Variants in ERN1 observed in about 807,000 individuals in gnomAD.
The protein encoded by ERN1 is serine/threonine-protein kinase/endoribonuclease IRE1.
A neutral mutation model predicts 113.1 loss-of-function variants in ERN1; 39 were observed. The ratio of observed to expected loss-of-function variants is 0.34; its 90% CI spans 0.27 to 0.45. The LOEUF (loss-of-function observed/expected upper bound fraction) is 0.45, where lower values mean the gene tolerates loss of function less well. Among genes scored for constraint, ERN1 ranks in the 20% least tolerant of loss-of-function variants. The pLI is 1.00. For missense variants in ERN1, 976 were observed against 1,274.8 expected, an observed-to-expected ratio of 0.77 and a Z score of 3.57; for synonymous variants, 507 against 515.9, an observed-to-expected ratio of 0.98 and a Z score of 0.23.
Position 64,054,171 on chromosome 17 carries a change from C to A in ERN1, c.1953+79G>T. 1 of 1,292,950 alleles carries A rather than the reference C, an allele frequency of 7.7e-7. No individual in the cohort carries two copies. Among genetic ancestry groups the A allele is most frequent in the African/African-American group, 1.5e-5 (1 of 67,924 alleles). The allele number at this position is 1,292,950 out of a possible 1,614,324, so 80.1% of individuals were successfully genotyped here. A position where few individuals can be genotyped will look rare whatever the true frequency, so the allele number is the denominator to read the frequency against. Reference sequence around the variant, plus strand: ...TCCAGGCTGGTCTCAAACTCCTGAGCTCACGTGATCTGCTCACTTTGGCCT... The same window carrying A: ...TCCAGGCTGGTCTCAAACTCCTGAGATCACGTGATCTGCTCACTTTGGCCT... On this transcript the variant is annotated intron_variant, in intron 15 of 21. Coordinates refer to ENST00000433197, the MANE Select transcript of ERN1 (RefSeq NM_001433.5). The surrounding 1 kb of genome is among the most constrained non-coding windows in gnomAD (Gnocchi z 4.9).
At chr17:64,045,945 T>C (rs1490931356) in intron 19 of ERN1, among the ~76,000 whole-genome samples, 2 of 152,124 alleles carry the variant, frequency 1.3e-5, no homozygotes, top group African/African-American at 4.8e-5. Context: ...AGAAAAGACC[T>C]GTGAAGCTGG....
Position 64,039,157 on chromosome 17 carries a change from T to C in ERN1, c.*4831A>G, listed in dbSNP as rs1912266321. The C allele has an allele frequency of 6.6e-6, 1 of 152,180 alleles. No individual in the cohort carries two copies. The highest frequency in any genetic ancestry group is 1.5e-5 in the Non-Finnish European group (1 of 68,030). The allele number at this position is 152,180 out of a possible 1,614,324, so 9.4% of individuals were successfully genotyped here. ...TGAGACTGACTCCAAAATCTAAAAC[T>C]ACCTTTATTGTGGTTGGCTCGACAT... is the stretch of plus-strand genomic sequence containing the variant. On this transcript the variant is annotated 3_prime_UTR_variant, in exon 22 of 22. Transcript: ENST00000433197.
intron 19 of ERN1, 133 bp from the exon 20 acceptor site, chr17:64,045,615 C>A: frequency 9.7e-7 from 1 of 1,029,764 alleles, no homozygotes; most frequent in Non-Finnish European, 1.5e-6. Context: ...ACCCTGCCCC[C>A]TCCCTCCCTC....
intron 1 of ERN1, among the ~76,000 whole-genome samples, chr17:64,116,715 A>G (rs1228059417): frequency 2.0e-5 from 3 of 152,084 alleles, no homozygotes; most frequent in Admixed American, 6.5e-5. Flanking sequence ...AGCCATCACA[A>G]AAATCAAAGA....
intron 4 of ERN1, among the ~76,000 whole-genome samples, chr17:64,077,870 C>G (rs1366480197): frequency 6.6e-6 from 1 of 152,098 alleles, no homozygotes; most frequent in African/African-American, 2.4e-5. Context: ...CTCAGCCTCC[C>G]AAGTAGCTGG....
At chr17:64,108,815 A>C (rs1914597822) in intron 1 of ERN1, among the ~76,000 whole-genome samples, 1 of 152,220 alleles carries the variant, frequency 6.6e-6, no homozygotes. Context: ...ACTCATATGC[A>C]GTTAAACCTA....
chr17:64,039,376 A>C lies in ERN1; in HGVS notation c.*4612T>G, dbSNP rs1356474717. 6.6e-6 allele frequency: 1 copy of C among 152,222 alleles called. No homozygotes were observed. The allele number at this position is 152,222 out of a possible 1,614,324, so 9.4% of individuals were successfully genotyped here. On this transcript the variant is annotated 3_prime_UTR_variant, in exon 22 of 22. Transcript: ENST00000433197. ...AAGAAGACTGTATCACACAATTAAC[A>C]CGTACTAATTAAACAATTAACCATC...
At chr17:64,087,428 C>T (rs1337520343) in intron 2 of ERN1, among the ~76,000 whole-genome samples, 1 of 152,214 alleles carries the variant, frequency 6.6e-6, no homozygotes, top group Admixed American at 6.5e-5. Flanking sequence ...GGACCTGCTC[C>T]TCAGTTCACA....
chr17:64,126,327 T>C (rs1915079817), intron 1 of ERN1, among the ~76,000 whole-genome samples: 1 of 152,174 alleles, frequency 6.6e-6, no homozygotes, highest in South Asian at 2.1e-4. Flanking sequence ...ACATATTACT[T>C]TGGATCCCGA....
In ERN1 at chr17:64,074,550, C is replaced by T. The variant is rs560533003; in HGVS notation, c.355+625G>A. Among the ~76,000 whole-genome samples the T allele has an allele frequency of 2.1e-4, 32 of 152,286 alleles. No individual in the cohort carries two copies. The South Asian group carries it at 6.6e-3, about 32-fold the overall frequency. ...TAAAGCTCCTCGAGGCATGAATAGG[C>T]AATAAGCACTTTCAGTTCCTCAAAA... On this transcript the variant is annotated intron_variant, in intron 5 of 21. Coordinates refer to ENST00000433197, the MANE Select transcript of ERN1 (RefSeq NM_001433.5).
At chr17:64,073,346 T>TTC in intron 5 of ERN1, among the ~76,000 whole-genome samples, 1 of 146,806 alleles carries the variant, frequency 6.8e-6, no homozygotes, top group South Asian at 2.2e-4. Flanking sequence ...TTTTTTTTTT[T>TTC]TTTTTTTTTT....
rs1912751125 is a variant in ERN1, at chr17:64,053,351, A to G, written c.1974T>C (p.Phe658=). ...TGATGGGCTCCAGGCCGAGATGCGC[A>G]AAGTCCTTCTGCTCCACATACTGCA... The part of the protein sequence containing the change: ...TLQEYVEQKD[F]AHLGLEPITL... The change falls in exon 16 of 22, where the codon TTT becomes TTC. Residue 658 remains phenylalanine, a synonymous_variant. Coordinates refer to ENST00000433197, the MANE Select transcript of ERN1 (RefSeq NM_001433.5). The G allele has an allele frequency of 1.9e-6, 3 of 1,610,906 alleles. No homozygotes were observed. The highest frequency in any genetic ancestry group is 2.2e-5 in the East Asian group (1 of 44,822).
At chr17:64,122,846 T>C (rs1230417698) in intron 1 of ERN1, among the ~76,000 whole-genome samples, 1 of 152,226 alleles carries the variant, frequency 6.6e-6, no homozygotes, top group Admixed American at 6.5e-5. Flanking sequence ...ATGGGTTAGA[T>C]AAGTTGTTAA....
At chr17:64,080,588 C>T in intron 3 of ERN1, 187 bp downstream of exon 3, 1 of 553,178 alleles carries the variant, frequency 1.8e-6, no homozygotes, top group South Asian at 2.4e-5. Flanking sequence ...ACCCTTCTCC[C>T]TCAGGAAACT....
rs1163177858 is a variant in ERN1 at position 64,055,751 on chromosome 17, G to A, written c.1596C>T (p.Ala532=). 6.2e-7 allele frequency: 1 copy of A among 1,611,544 alleles called. No individual in the cohort carries two copies. Among genetic ancestry groups the A allele is most frequent in the South Asian group, 1.1e-5 (1 of 90,606 alleles). The change falls in exon 13 of 22, where the codon GCC becomes GCT. Residue 532 remains alanine (A), a synonymous_variant. Transcript: ENST00000433197. ...TGCCGGAGCAGAGCGAGTGGTTGGA[G>A]GCCCTGGGGGACGTGCTGGGGCTGC... is the stretch of plus-strand genomic sequence containing the variant. ...GTSSPSTSPR[A]SNHSLCSGSS...
chr17:64,120,979 G>A (rs1488925825), intron 1 of ERN1, among the ~76,000 whole-genome samples: 1 of 152,084 alleles, frequency 6.6e-6, no homozygotes, highest in Non-Finnish European at 1.5e-5. Flanking sequence ...AGCATGCCAC[G>A]TTAAATGCCA....
At chr17:64,080,656 ACT>A in intron 3 of ERN1, 117 bp downstream of exon 3, 2 of 886,484 alleles carry the variant, frequency 2.3e-6, no homozygotes, top group Non-Finnish European at 3.5e-6. Context: ...TTTATATGTC[ACT>A]CACTGTTATT....
intron 12 of ERN1, among the ~76,000 whole-genome samples, chr17:64,056,790 C>T (rs1912885899): frequency 6.6e-6 from 1 of 152,188 alleles, no homozygotes; most frequent in African/African-American, 2.4e-5. Flanking sequence ...TCAGGGTCTA[C>T]TTCCTTCTTT....
chr17:64,108,876 A>C (rs1231042595), intron 1 of ERN1, among the ~76,000 whole-genome samples: 2 of 152,164 alleles, frequency 1.3e-5, no homozygotes, highest in Non-Finnish European at 2.9e-5. Flanking sequence ...TAATCCCAGC[A>C]CTTTGGGAGG....
Sources: allele counts gnomAD v4.1 joint callset (sites outside exome capture counted in the v4.1 genomes callset), GRCh38; gene constraint gnomAD v4.1.1; non-coding constraint Gnocchi (gnomAD v3.1); transcripts MANE v1.5; gene names NCBI Gene and HGNC (gene_info 2026-07-23, HGNC 2026-07-21).